The following TGM5 variants were observed in gnomAD, a reference collection of about 807,000 sequenced individuals.
TGM5 encodes the protein transglutaminase 5.
In TGM5, 69 loss-of-function variants were observed where a neutral mutation model predicts 77.2. The ratio of observed to expected loss-of-function variants is 0.89; its 90% CI spans 0.74 to 1.09. TGM5 has a LOEUF of 1.09. TGM5 is among the 50% of genes least tolerant of loss of function. The pLI is 0.00. For missense variants in TGM5, 842 were observed against 896.5 expected, an observed-to-expected ratio of 0.94 and a Z score of 0.78; for synonymous variants, 346 against 351.8, an observed-to-expected ratio of 0.98 and a Z score of 0.18.
intron 1 of TGM5, among the ~76,000 whole-genome samples, chr15:43,263,031 G>A (rs2142386251): frequency 6.6e-6 from 1 of 152,278 alleles, no homozygotes; most frequent in Middle Eastern, 3.4e-3. Flanking sequence ...CAAGGTTGCA[G>A]GACACAATAT....
chr15:43,262,379 C>T (rs887278392), intron 1 of TGM5, among the ~76,000 whole-genome samples: 1 of 152,180 alleles, frequency 6.6e-6, no homozygotes, highest in African/African-American at 2.4e-5. Context: ...CCAATAAGTA[C>T]AGAGACCTAG....
At chr15:43,255,688 G>T (rs1408509166) in intron 4 of TGM5, among the ~76,000 whole-genome samples, 6 of 152,112 alleles carry the variant, frequency 3.9e-5, no homozygotes. Context: ...TTTCTGAGAG[G>T]CTGAGGGCTG....
chr15:43,253,210 C>A (rs2042718356), intron 5 of TGM5, among the ~76,000 whole-genome samples: 1 of 152,186 alleles, frequency 6.6e-6, no homozygotes, highest in Non-Finnish European at 1.5e-5. Context: ...CCTCTGAGAG[C>A]TTTAAAAAAC....
intron 1 of TGM5, among the ~76,000 whole-genome samples, chr15:43,261,962 A>T (rs1309839683): frequency 6.6e-6 from 1 of 152,228 alleles, no homozygotes; most frequent in African/African-American, 2.4e-5. Flanking sequence ...CCTTAACTTG[A>T]CACAGCTCTT....
chr15:43,235,415 C>A, intron 10 of TGM5, 54 bp downstream of exon 10: 6 of 1,613,168 alleles, frequency 3.7e-6, no homozygotes, highest in Non-Finnish European at 5.1e-6. Flanking sequence ...CTGGCTTGAC[C>A]CCACTGACAT....
intron 12 of TGM5, 84 bp downstream of exon 12, chr15:43,233,470 T>G: frequency 1.2e-6 from 2 of 1,613,058 alleles, no homozygotes; most frequent in Non-Finnish European, 1.7e-6. Context: ...TTGTGGAGTC[T>G]GGCTCAGGAA....
intron 6 of TGM5, 89 bp from the exon 7 acceptor site, chr15:43,241,079 C>T (rs1419414394): frequency 6.4e-7 from 1 of 1,552,904 alleles, no homozygotes; most frequent in African/African-American, 1.4e-5. Context: ...CTGGGGAAAT[C>T]TTCCATTTGC....
At chr15:43,237,667 G>A (rs1323714746) in intron 9 of TGM5, among the ~76,000 whole-genome samples, 1 of 151,976 alleles carries the variant, frequency 6.6e-6, no homozygotes, top group African/African-American at 2.4e-5. Flanking sequence ...TCCCGTCTCA[G>A]CCTCCCAAAG....
Position 43,256,652 on chromosome 15 carries a change from C to A in TGM5, c.471G>T (p.Arg157Ser). The change falls in exon 4 of 13, where the codon AGG (arginine) becomes AGT (serine). Residue 157 changes from arginine to serine, a missense_variant. This residue lies in a region of TGM5 where 815 missense variants were observed against 844.6 expected (regional missense o/e 0.96). Transcript: ENST00000220420. ...DAVYLDSEPQ[R>S]QEYVMNDYGF... ...CATAATCATTCATGACATACTCCTG[C>A]CTCTGGGGTTCACTGTCCAAGTAGA... The A allele has an allele frequency of 6.2e-7, 1 of 1,614,088 alleles. No individual in the cohort carries two copies. The highest frequency in any genetic ancestry group is 8.5e-7 in the Non-Finnish European group (1 of 1,179,984).
chr15:43,233,630 G>A lies in TGM5; in HGVS notation c.1933C>T (p.Pro645Ser), dbSNP rs1161800361. ...CAGTCCTCAACCTGCTCCGAGAGGG[G>A]GTTTGAAAATATCACCTGTATGGAG... The part of the protein sequence containing the change: ...PLSIQVIFSN[P>S]LSEQVEDCVL... Residue 645 changes from proline to serine, a missense_variant, in exon 12 of 13, where the codon CCC becomes TCC. Physicochemically the swap from Pro to Ser is moderately conservative, Grantham distance 74. Around this residue, in one of 2 missense-constraint regions of TGM5, gnomAD observed 815 missense variants for 844.6 expected, o/e 0.96. Transcript: ENST00000220420. The A allele has an allele frequency of 2.5e-6, 4 of 1,614,158 alleles. No homozygotes were observed. Among genetic ancestry groups the A allele is most frequent in the Admixed American group, 1.7e-5 (1 of 60,026 alleles).
intron 11 of TGM5, among the ~76,000 whole-genome samples, chr15:43,234,550 C>T (rs2042572696): frequency 1.3e-5 from 2 of 152,206 alleles, no homozygotes; most frequent in Admixed American, 6.5e-5. Context: ...TCCTATTGTC[C>T]ATGGCACCTG....
At chr15:43,247,158 C>CA (rs763763932) in intron 6 of TGM5, among the ~76,000 whole-genome samples, 4,673 of 52,514 alleles carry the variant, frequency 0.089, 246 homozygotes, top group African/African-American at 0.2. Context: ...GACTCTGTCT[C>CA]AAAAAAAAAA....
At chr15:43,238,177 G>C (rs2042604423) in intron 9 of TGM5, among the ~76,000 whole-genome samples, 1 of 152,174 alleles carries the variant, frequency 6.6e-6, no homozygotes, top group Non-Finnish European at 1.5e-5. Flanking sequence ...CACCTGCTCA[G>C]ATCCTCCCCA....
In TGM5 at chr15:43,234,808, G is replaced by A. The variant is rs765845620; in HGVS notation, c.1836C>T (p.Asn612=). Reference sequence around the variant, plus strand: ...TTGGATAAGATAAGGTGATGATCTTGTTCACCAGGATTTTCTCAGGACTGC... The same window carrying A: ...TTGGATAAGATAAGGTGATGATCTTATTCACCAGGATTTTCTCAGGACTGC... The part of the protein sequence containing the change: ...EKSSPEKILV[N]KIITLSYPSI... Residue 612 remains asparagine (N), a synonymous_variant, in exon 11 of 13, where the codon AAC becomes AAT. Transcript: ENST00000220420. 1 of 1,614,122 alleles carries A rather than the reference G, an allele frequency of 6.2e-7. No individual in the cohort carries two copies. Among genetic ancestry groups the A allele is most frequent in the East Asian group, 2.2e-5 (1 of 44,896 alleles).
At chr15:43,247,404 C>T (rs761885053) in intron 6 of TGM5, among the ~76,000 whole-genome samples, 4 of 151,846 alleles carry the variant, frequency 2.6e-5, no homozygotes, top group East Asian at 3.9e-4. Context: ...CACTGAGTGA[C>T]GAATCATCCA....
intron 1 of TGM5, among the ~76,000 whole-genome samples, chr15:43,261,090 T>TTTTTGTTTTTTG (rs1566837519): frequency 2.1e-5 from 2 of 97,118 alleles, no homozygotes; most frequent in African/African-American, 1.0e-4. Context: ...TTTTTTTTTT[T>TTTTTGTTTTTTG]TTTTTTTTTT....
chr15:43,240,420 T>G (rs2042626153), intron 7 of TGM5, among the ~76,000 whole-genome samples: 1 of 152,216 alleles, frequency 6.6e-6, no homozygotes, highest in African/African-American at 2.4e-5. Context: ...CTTTGGGTCT[T>G]CATTCTGAAG....
intron 1 of TGM5, among the ~76,000 whole-genome samples, chr15:43,261,932 T>C (rs1464595329): frequency 6.6e-6 from 1 of 152,238 alleles, no homozygotes; most frequent in Non-Finnish European, 1.5e-5. Context: ...TCCTACAGTC[T>C]GCCATATAAA....
intron 9 of TGM5, among the ~76,000 whole-genome samples, chr15:43,236,779 C>T (rs1045906301): frequency 6.6e-6 from 1 of 152,010 alleles, no homozygotes; most frequent in Non-Finnish European, 1.5e-5. Flanking sequence ...CCAGCCTGAC[C>T]AACATGGTGA....
Sources: gnomAD v4.1 joint callset for allele counts (sites outside exome capture counted in the v4.1 genomes callset) on GRCh38, gnomAD v4.1.1 for gene constraint, gnomAD v4.1.1 regional missense constraint, MANE v1.5 for transcripts, NCBI Gene and HGNC (gene_info 2026-07-23, HGNC 2026-07-21) for gene names.